The following SHISA5 variants were observed in gnomAD, a reference collection of about 807,000 sequenced individuals.
SHISA5 encodes protein shisa-5.
In SHISA5, 21 loss-of-function variants were observed where a neutral mutation model predicts 27.5. That is an observed-to-expected ratio of 0.76 (90% CI 0.54 to 1.10). The LOEUF is 1.10. Ranked by LOEUF, SHISA5 falls within the 50% of genes least tolerant of loss-of-function variation. The probability of loss-of-function intolerance (pLI) is 0.00; values close to 1 mark genes in which losing one functional copy is unlikely to be tolerated. For missense variants in SHISA5, 314 were observed against 336.3 expected (o/e 0.93, Z 0.52); for synonymous variants, 137 against 142.2 (o/e 0.96, Z 0.26).
chr3:48,473,304 C>T lies in SHISA5; in HGVS notation c.315-3461G>A. ...TGCCTCCCAGAGCTGCCTCCCTGAG[C>T]CAAGCCTACAGGGCCTGACCTCAGA... On this transcript the variant is annotated intron_variant, in intron 3 of 5. Transcript: ENST00000296444. The surrounding 1 kb of genome is among the most constrained non-coding windows in gnomAD (Gnocchi z 4.3). 1 of 1,386,342 alleles carries T rather than the reference C, an allele frequency of 7.2e-7. No individual in the cohort carries two copies. Among genetic ancestry groups the T allele is most frequent in the Non-Finnish European group, 9.4e-7 (1 of 1,060,860 alleles). 85.9% of individuals were successfully genotyped at this position (1,386,342 alleles called of 1,614,324 possible).
chr3:48,494,034 G>A (rs1489328381), intron 2 of SHISA5, among the ~76,000 whole-genome samples: 5 of 146,850 alleles, frequency 3.4e-5, no homozygotes, highest in Admixed American at 6.7e-5. Context: ...ATAAACTATA[G>A]TCACCATTAT....
chr3:48,472,892 A>C, intron 3 of SHISA5: 1 of 1,073,470 alleles, frequency 9.3e-7, no homozygotes, highest in South Asian at 1.4e-5. Flanking sequence ...GGAATGGAGA[A>C]ACGCACACAC....
At position 48,468,543 on chromosome 3, in the gene SHISA5, C is replaced by A. The variant is rs1487997869; in HGVS notation, c.*564G>T. 2 of 1,187,836 alleles carry A rather than the reference C, an allele frequency of 1.7e-6. No homozygotes were observed. The highest frequency in any genetic ancestry group is 3.7e-5 in the Admixed American group (1 of 27,300). The allele number at this position is 1,187,836 out of a possible 1,614,324, so 73.6% of individuals were successfully genotyped here. On this transcript the variant is annotated 3_prime_UTR_variant, in exon 6 of 6. Transcript: ENST00000296444. ...CAGGCTCCAGGGAGCAATGGGACAT[C>A]TGCCCAAAGGATCAAAGTCCAACTT...
At position 48,473,676 on chromosome 3, in the gene SHISA5, C is replaced by A; in HGVS notation, c.315-3833G>T. ...CAAACGCCAGCTATGGCTCCTGTAGCTCTTGCGATTACAAAGGAATTTGCT... is the reference window on the plus strand; with the variant it reads ...CAAACGCCAGCTATGGCTCCTGTAGATCTTGCGATTACAAAGGAATTTGCT... On this transcript the variant is annotated intron_variant, in intron 3 of 5. Coordinates refer to ENST00000296444, the MANE Select transcript of SHISA5 (RefSeq NM_016479.6). This position sits in a 1 kb window ranked among gnomAD's most constrained non-coding sequence, Gnocchi z 4.3. 9.4e-7 allele frequency: 1 copy of A among 1,063,002 alleles called. No individual in the cohort carries two copies. The highest frequency in any genetic ancestry group is 1.2e-6 in the Non-Finnish European group (1 of 834,272). The allele number at this position is 1,063,002 out of a possible 1,614,324, so 65.8% of individuals were successfully genotyped here.
At position 48,501,186 on chromosome 3, in the gene SHISA5, G is replaced by A. The variant is rs34083419; in HGVS notation, c.184C>T (p.Leu62=). 8.0e-4 allele frequency: 1,293 copies of A among 1,614,048 alleles called. 10 individuals carry two copies. In the African/African-American group the frequency reaches 0.015, roughly 19 times the overall value. Residue 62 remains leucine, a synonymous_variant, in exon 2 of 6, where the codon CTG becomes TTG. Transcript: ENST00000296444. ...CDDQYCCSDV[L]KKFVWSEERC... ...TCCTCGCTCCACACAAATTTCTTCAGCACGTCAGAGCAGCAGTATTGGTCA... is the reference window on the plus strand; with the variant it reads ...TCCTCGCTCCACACAAATTTCTTCAACACGTCAGAGCAGCAGTATTGGTCA...
At chr3:48,486,668 G>A (rs1316591964) in intron 2 of SHISA5, among the ~76,000 whole-genome samples, 3 of 141,816 alleles carry the variant, frequency 2.1e-5, no homozygotes, top group African/African-American at 7.8e-5. Context: ...GGAGGCGGGT[G>A]GATCACCTGA....
chr3:48,473,158 C>G lies in SHISA5; in HGVS notation c.315-3315G>C. ...CAGATGACGTCAGCCACAGGAAGCA[C>G]AGACGCGAAGCCCCGTTCCACCCTC... On this transcript the variant is annotated intron_variant, in intron 3 of 5. Transcript: ENST00000296444. This position sits in a 1 kb window ranked among gnomAD's most constrained non-coding sequence, Gnocchi z 4.3. The G allele has an allele frequency of 6.9e-7, 1 of 1,448,632 alleles. No individual in the cohort carries two copies. 89.7% of individuals were successfully genotyped at this position (1,448,632 alleles called of 1,614,324 possible).
chr3:48,494,959 T>C (rs966613736), intron 2 of SHISA5, among the ~76,000 whole-genome samples: 1 of 147,094 alleles, frequency 6.8e-6, no homozygotes. Flanking sequence ...TTTTACTGTA[T>C]GTAATTATAT....
At chr3:48,479,124 C>A in intron 3 of SHISA5, 53 bp downstream of exon 3, 4 of 1,514,772 alleles carry the variant, frequency 2.6e-6, no homozygotes, top group South Asian at 2.4e-5. Flanking sequence ...CCCCCCTGAG[C>A]CCTCTTGTCA....
rs2040479840 is a variant in SHISA5, at chr3:48,469,065, A to G, written c.*42T>C. 6.2e-7 allele frequency: 1 copy of G among 1,611,388 alleles called. No individual in the cohort carries two copies. The highest frequency in any genetic ancestry group is 8.5e-7 in the Non-Finnish European group (1 of 1,179,960). On this transcript the variant is annotated 3_prime_UTR_variant, in exon 6 of 6. Coordinates refer to ENST00000296444, the MANE Select transcript of SHISA5 (RefSeq NM_016479.6). This position sits in a 1 kb window ranked among gnomAD's most constrained non-coding sequence, Gnocchi z 4.6. ...GCGCCTGCACACCACTCACGCACAC[A>G]CACAACATAACCAAGTGGCAGCCAG...
chr3:48,500,587 G>A (rs931473004), intron 2 of SHISA5, among the ~76,000 whole-genome samples: 2 of 152,064 alleles, frequency 1.3e-5, no homozygotes, highest in Non-Finnish European at 2.9e-5. Context: ...TACAGAATAC[G>A]GCAAAGAGCC....
chr3:48,469,324 G>A lies in SHISA5; in HGVS notation c.643+37C>T. ...CCGAGGGATGCTGGCAGAGACTCGG[G>A]AAGTCGGGCAGGGCTAGAGTTGGCA... is the stretch of plus-strand genomic sequence containing the variant. On this transcript the variant is annotated intron_variant, in intron 5 of 5. Coordinates refer to ENST00000296444, the MANE Select transcript of SHISA5 (RefSeq NM_016479.6). This position sits in a 1 kb window ranked among gnomAD's most constrained non-coding sequence, Gnocchi z 4.6. 1 of 1,568,078 alleles carries A rather than the reference G, an allele frequency of 6.4e-7. No homozygotes were observed. The highest frequency in any genetic ancestry group is 1.2e-5 in the South Asian group (1 of 83,168).
At chr3:48,502,173 G>A in intron 1 of SHISA5, 1 of 327,982 alleles carries the variant, frequency 3.0e-6, no homozygotes, top group Non-Finnish European at 6.2e-6. Context: ...AGACTGTCTA[G>A]TTCTTAATCC....
intron 3 of SHISA5, among the ~76,000 whole-genome samples, chr3:48,471,952 G>A (rs1195655016): frequency 3.3e-5 from 5 of 150,752 alleles, no homozygotes; most frequent in African/African-American, 1.2e-4. Context: ...AGAGGCCGAA[G>A]TGGGCGGATC....
intron 3 of SHISA5, among the ~76,000 whole-genome samples, chr3:48,472,650 C>A (rs897317370): frequency 6.6e-6 from 1 of 152,184 alleles, no homozygotes; most frequent in Non-Finnish European, 1.5e-5. Context: ...CCCCCAGCAG[C>A]CTCTGCCCAA....
chr3:48,478,555 T>G (rs2040897000), intron 3 of SHISA5, among the ~76,000 whole-genome samples: 1 of 151,836 alleles, frequency 6.6e-6, no homozygotes, highest in African/African-American at 2.4e-5. Context: ...ATGTCACAAC[T>G]CCTGTTACGG....
In SHISA5 at chr3:48,473,650, TCAAAC is replaced by T; in HGVS notation, c.315-3812_315-3808del. 1 of 1,166,722 alleles carries T rather than the reference TCAAAC, an allele frequency of 8.6e-7. No individual in the cohort carries two copies. Among genetic ancestry groups the T allele is most frequent in the Non-Finnish European group, 1.1e-6 (1 of 925,120 alleles). 72.3% of individuals were successfully genotyped at this position (1,166,722 alleles called of 1,614,324 possible). On this transcript the variant is annotated intron_variant, in intron 3 of 5. Transcript: ENST00000296444. The surrounding 1 kb of genome is among the most constrained non-coding windows in gnomAD (Gnocchi z 4.3). Reference sequence around the variant, plus strand: ...CAAGGTCCATCATGTCACCACCTGCTCAAACGCCAGCTATGGCTCCTGTAGCTCTT... The same window carrying T: ...CAAGGTCCATCATGTCACCACCTGCTGCCAGCTATGGCTCCTGTAGCTCTT...
chr3:48,467,922 C>A lies in SHISA5; in HGVS notation c.*1185G>T. The A allele has an allele frequency of 2.8e-6, 1 of 355,854 alleles. No homozygotes were observed. Among genetic ancestry groups the A allele is most frequent in the Non-Finnish European group, 5.1e-6 (1 of 197,998 alleles). The allele number at this position is 355,854 out of a possible 1,614,324, so 22.0% of individuals were successfully genotyped here. On this transcript the variant is annotated 3_prime_UTR_variant, in exon 6 of 6. Transcript: ENST00000296444. ...TAAACAAGTGTACAGACCCTAGACT[C>A]AGAAACACAACAGATTTGAGCTAAG...
intron 2 of SHISA5, among the ~76,000 whole-genome samples, chr3:48,489,870 T>C (rs1394419643): frequency 6.6e-6 from 1 of 151,588 alleles, no homozygotes; most frequent in Non-Finnish European, 1.5e-5. Flanking sequence ...GCTCAAGCAA[T>C]CCTCCCATCT....
Sources: gnomAD v4.1 joint callset for allele counts (sites outside exome capture counted in the v4.1 genomes callset) on GRCh38, gnomAD v4.1.1 for gene constraint, Gnocchi (gnomAD v3.1) non-coding constraint, MANE v1.5 for transcripts, NCBI Gene and HGNC (gene_info 2026-07-23, HGNC 2026-07-21) for gene names.